Variants in FGF13 observed in about 807,000 individuals in gnomAD.
FGF13 encodes the protein fibroblast growth factor homologous factor 2.
Under a neutral mutation model 19.5 loss-of-function variants are expected in FGF13, and 2 were observed. The observed-to-expected ratio is 0.10, with a 90% CI of 0.04 to 0.32. The LOEUF (loss-of-function observed/expected upper bound fraction) is 0.32, where lower values mean the gene tolerates loss of function less well. Among genes scored for constraint, FGF13 ranks in the 10% least tolerant of loss-of-function variants. The pLI, the probability that FGF13 is intolerant of heterozygous loss-of-function variation, is 1.00. For missense variants in FGF13, 113 were observed against 192.7 expected (o/e 0.59, Z 2.45); for synonymous variants, 72 against 76.9 (o/e 0.94, Z 0.33).
chrX:138,646,653 C>A (rs1349831023), intron 3 of FGF13, among the ~76,000 whole-genome samples: 1 of 112,140 alleles, frequency 8.9e-6, no homozygotes, highest in Non-Finnish European at 1.9e-5. Flanking sequence ...AGTTTGGGCA[C>A]ATGTTGGGTT....
intron 1 of FGF13, among the ~76,000 whole-genome samples, chrX:138,891,297 A>C (rs2091475849): frequency 9.0e-6 from 1 of 111,499 alleles, no homozygotes; most frequent in Admixed American, 9.5e-5. Flanking sequence ...AAAACAGAAA[A>C]AAAAATTGTT....
chrX:139,025,633 G>A (rs1444816718), intron 1 of FGF13, among the ~76,000 whole-genome samples: 1 of 111,104 alleles, frequency 9.0e-6, no homozygotes, highest in Non-Finnish European at 1.9e-5. Context: ...GACTCCAGTA[G>A]TTATGCTAGA....
At chrX:138,748,698 C>G (rs1043680637) in intron 3 of FGF13, among the ~76,000 whole-genome samples, 2 of 111,374 alleles carry the variant, frequency 1.8e-5, no homozygotes, top group African/African-American at 6.5e-5. Flanking sequence ...TCCAAACTTA[C>G]AAAACTATAT....
At chrX:139,029,704 T>TA (rs746909054) in intron 1 of FGF13, among the ~76,000 whole-genome samples, 110 of 111,736 alleles carry the variant, frequency 9.8e-4, no homozygotes, top group Non-Finnish European at 1.5e-3. Context: ...CTGGCTCTCC[T>TA]ACAGTAACTA....
At chrX:138,887,854 T>C (rs939496273) in intron 1 of FGF13, among the ~76,000 whole-genome samples, 4 of 111,839 alleles carry the variant, frequency 3.6e-5, no homozygotes, top group Non-Finnish European at 7.5e-5. Context: ...GACTGCCTTT[T>C]TATGTTGGCT....
At position 138,875,974 on chromosome X, in the gene FGF13, T is replaced by G. The variant is rs781152157; in HGVS notation, c.-112-11324A>C. Among the ~76,000 whole-genome samples the G allele has an allele frequency of 2.8e-5, 3 of 108,195 alleles. No homozygotes were observed. In the East Asian group the frequency reaches 8.7e-4, roughly 31 times the overall value. The allele number at this position is 108,195 out of a possible 115,157, so 94.0% of individuals were successfully genotyped here. On this transcript the variant is annotated intron_variant, in intron 1 of 2. Coordinates refer to the FGF13 transcript ENST00000421460. Reference sequence around the variant, plus strand: ...GCATAACCATGAAAGTCTGATTTATTATTATCTCCCTATCGGCTTGTACAC... The same window carrying G: ...GCATAACCATGAAAGTCTGATTTATGATTATCTCCCTATCGGCTTGTACAC...
intron 1 of FGF13, among the ~76,000 whole-genome samples, chrX:138,951,181 G>A (rs1275185201): frequency 1.8e-5 from 2 of 111,578 alleles, no homozygotes. Flanking sequence ...GAACTTCAAA[G>A]CTGTCTTGTT....
rs756541018 is a variant in FGF13, at chrX:138,797,870, T to C, written c.217+59642A>G. Among the ~76,000 whole-genome samples the C allele has an allele frequency of 3.6e-5, 4 of 112,043 alleles. No homozygotes were observed. The Admixed American group carries it at 3.8e-4, about 11-fold the overall frequency. ...ATGATTTGGCTCTCTACTTGTCTATTATTGGTGTATAGGAATGCTTGTGAT... is the reference window on the plus strand; with the variant it reads ...ATGATTTGGCTCTCTACTTGTCTATCATTGGTGTATAGGAATGCTTGTGAT... On this transcript the variant is annotated intron_variant, in intron 3 of 6. Transcript: ENST00000436198.
intron 3 of FGF13, among the ~76,000 whole-genome samples, chrX:138,759,344 T>A (rs1464714341): frequency 1.8e-5 from 2 of 112,557 alleles, no homozygotes; most frequent in East Asian, 5.6e-4. Context: ...CCCTGTAAAA[T>A]GCCATTTATG....
rs143457267 is a variant in FGF13, at chrX:139,007,703, C to T, written c.-112-143053G>A. 5.6e-3 allele frequency among the ~76,000 whole-genome samples: 634 copies of T among 112,295 alleles called. 2 individuals carry two copies. Among genetic ancestry groups the T allele is most frequent in the Middle Eastern group, 9.3e-3 (2 of 216 alleles). ...TAGGAAACAGGACAAGCTTGCAGCT[C>T]CTCCTTGGACTGACAAAGCAGTGTG... On this transcript the variant is annotated intron_variant, in intron 1 of 2. Transcript: ENST00000421460.
At chrX:139,158,527 T>C (rs1381201404) in intron 1 of FGF13, among the ~76,000 whole-genome samples, 1 of 111,250 alleles carries the variant, frequency 9.0e-6, no homozygotes, top group African/African-American at 3.3e-5. Flanking sequence ...AGGTACAGAA[T>C]GGCTCTGTAG....
At chrX:138,757,931 CA>C (rs1213670805) in intron 3 of FGF13, among the ~76,000 whole-genome samples, 10 of 111,633 alleles carry the variant, frequency 9.0e-5, no homozygotes, top group African/African-American at 3.3e-4. Flanking sequence ...CAGAGCTGCA[CA>C]TCAAAAAAGT....
At chrX:138,985,797 G>A (rs2091992565) in intron 1 of FGF13, among the ~76,000 whole-genome samples, 1 of 112,143 alleles carries the variant, frequency 8.9e-6, no homozygotes, top group African/African-American at 3.2e-5. Flanking sequence ...TCAGCAGAAT[G>A]CCTAGCATTG....
In FGF13 at chrX:138,690,826, G is replaced by A. The variant is rs966063875; in HGVS notation, c.402+12158C>T. Among the ~76,000 whole-genome samples the A allele has an allele frequency of 9.9e-5, 11 of 111,396 alleles. 1 individual carries two copies. The highest frequency in any genetic ancestry group is 3.6e-4 in the African/African-American group (11 of 30,598). Reference sequence around the variant, plus strand: ...GGGCTAAAAATAGCATTGCCAAGCTGCAGAAGTCAGGATGAAACAGTTTAT... The same window carrying A: ...GGGCTAAAAATAGCATTGCCAAGCTACAGAAGTCAGGATGAAACAGTTTAT... On this transcript the variant is annotated intron_variant, in intron 3 of 4. Transcript: ENST00000315930.
intron 1 of FGF13, among the ~76,000 whole-genome samples, chrX:139,140,507 C>T (rs999000096): frequency 1.8e-5 from 2 of 111,649 alleles, no homozygotes. Flanking sequence ...TCTACTGCAA[C>T]AGGCTGCTCC....
chrX:138,651,117 T>TC (rs2089367107), intron 3 of FGF13, among the ~76,000 whole-genome samples: 1 of 112,219 alleles, frequency 8.9e-6, no homozygotes, highest in Non-Finnish European at 1.9e-5. Flanking sequence ...AGACTCTGAG[T>TC]AAACACTAAC....
chrX:139,133,316 G>C (rs1482219539), intron 1 of FGF13, among the ~76,000 whole-genome samples: 4 of 101,718 alleles, frequency 3.9e-5, no homozygotes, highest in African/African-American at 1.5e-4. Context: ...CCTGGAGGAG[G>C]CTCAGTAAAC....
chrX:139,043,569 A>G (rs893813767), intron 1 of FGF13, among the ~76,000 whole-genome samples: 4 of 111,071 alleles, frequency 3.6e-5, no homozygotes. Flanking sequence ...TTTCTCAACA[A>G]GTTAAACATA....
intron 1 of FGF13, among the ~76,000 whole-genome samples, chrX:139,132,268 C>A (rs1021893786): frequency 9.8e-5 from 11 of 111,879 alleles, no homozygotes; most frequent in African/African-American, 3.6e-4. Flanking sequence ...TTCTTTAAGA[C>A]ATAAACATCT....
Sources: gnomAD v4.1 joint callset for allele counts (sites outside exome capture counted in the v4.1 genomes callset) on GRCh38, gnomAD v4.1.1 for gene constraint, MANE v1.5 for transcripts, NCBI Gene and HGNC (gene_info 2026-07-23, HGNC 2026-07-21) for gene names.